The following NCOA1 variants were observed in gnomAD, a reference collection of about 807,000 sequenced individuals.
The protein encoded by NCOA1 is Hin-2 protein.
Under a neutral mutation model 150.9 loss-of-function variants are expected in NCOA1, and 35 were observed. The observed-to-expected ratio is 0.23, with a 90% CI of 0.18 to 0.31. The LOEUF (loss-of-function observed/expected upper bound fraction) is 0.31, where lower values mean the gene tolerates loss of function less well. NCOA1 is among the 10% of genes least tolerant of loss of function. The pLI is 1.00. For missense variants in NCOA1, 1,491 were observed against 1,749.3 expected (o/e 0.85, Z 2.63); for synonymous variants, 590 against 630.0 (o/e 0.94, Z 0.95).
At chr2:24,549,642 C>G (rs1665745752) in intron 1 of NCOA1, among the ~76,000 whole-genome samples, 1 of 152,230 alleles carries the variant, frequency 6.6e-6, no homozygotes, top group Non-Finnish European at 1.5e-5. Flanking sequence ...TCTGGGCTCA[C>G]TGCAAGCTCC....
intron 1 of NCOA1, among the ~76,000 whole-genome samples, chr2:24,517,006 A>G (rs78157397): frequency 0.17 from 4,147 of 24,388 alleles, 117 homozygotes; most frequent in East Asian, 0.43. Flanking sequence ...ACACGCGCGC[A>G]CACACACACA....
intron 6 of NCOA1, among the ~76,000 whole-genome samples, chr2:24,672,747 A>G (rs1319332311): frequency 1.3e-5 from 2 of 152,162 alleles, no homozygotes; most frequent in East Asian, 3.8e-4. Flanking sequence ...GTGCTCAATA[A>G]TACCATATTT....
chr2:24,627,330 C>G (rs1371801253), intron 3 of NCOA1, among the ~76,000 whole-genome samples: 1 of 151,794 alleles, frequency 6.6e-6, no homozygotes, highest in South Asian at 2.1e-4. Flanking sequence ...GGTCACTACT[C>G]TACTTTAAAA....
At chr2:24,719,466 T>C (rs1339483176) in intron 14 of NCOA1, among the ~76,000 whole-genome samples, 1 of 152,188 alleles carries the variant, frequency 6.6e-6, no homozygotes, top group Admixed American at 6.5e-5. Context: ...ATCAATGAAG[T>C]TTAGTTTAGA....
At chr2:24,730,871 CAAAAAAA>C (rs35975198) in intron 17 of NCOA1, among the ~76,000 whole-genome samples, 6 of 61,904 alleles carry the variant, frequency 9.7e-5, no homozygotes, top group Non-Finnish European at 1.7e-4. Context: ...ACTAAAAGTA[CAAAAAAA>C]AAAAAAAAAA....
intron 1 of NCOA1, among the ~76,000 whole-genome samples, chr2:24,520,917 T>TTAGCCAAACTAGCAA (rs1664391198): frequency 6.6e-6 from 1 of 151,856 alleles, no homozygotes; most frequent in Non-Finnish European, 1.5e-5. Flanking sequence ...CCTTGCTCAT[T>TTAGCCAAACTAGCAA]CTTTGCTGTT....
chr2:24,661,004 T>G (rs1169913387), intron 5 of NCOA1, among the ~76,000 whole-genome samples: 1 of 151,664 alleles, frequency 6.6e-6, no homozygotes, highest in Non-Finnish European at 1.5e-5. Context: ...GAGGTTGCAG[T>G]GAGCCAAAAT....
intron 18 of NCOA1, among the ~76,000 whole-genome samples, chr2:24,739,786 G>GA (rs900422257): frequency 5.4e-5 from 8 of 147,196 alleles, no homozygotes; most frequent in African/African-American, 1.7e-4. Flanking sequence ...TGACTAAGTA[G>GA]AAAAAACTCT....
chr2:24,642,034 G>GTGTGTA (rs1572531108), intron 3 of NCOA1, among the ~76,000 whole-genome samples: 1 of 144,302 alleles, frequency 6.9e-6, no homozygotes, highest in East Asian at 2.0e-4. Context: ...GTGTGTGTGT[G>GTGTGTA]TGTGCGCGCG....
At chr2:24,582,301 A>G (rs1221977584) in intron 2 of NCOA1, among the ~76,000 whole-genome samples, 1 of 152,162 alleles carries the variant, frequency 6.6e-6, no homozygotes, top group Non-Finnish European at 1.5e-5. Context: ...AATCAGTAGC[A>G]TTTCTATATA....
At chr2:24,586,490 G>T (rs1229450105) in intron 3 of NCOA1, among the ~76,000 whole-genome samples, 1 of 152,014 alleles carries the variant, frequency 6.6e-6, no homozygotes, top group Admixed American at 6.6e-5. Context: ...AGGCTCAAGG[G>T]ATTCTCCCAG....
intron 1 of NCOA1, among the ~76,000 whole-genome samples, chr2:24,545,254 A>G (rs1209863120): frequency 6.6e-6 from 1 of 151,992 alleles, no homozygotes; most frequent in Admixed American, 6.5e-5. Context: ...AACATTGTAG[A>G]GTGCCAGAAA....
chr2:24,603,496 C>T (rs1668221076), intron 3 of NCOA1, among the ~76,000 whole-genome samples: 2 of 152,190 alleles, frequency 1.3e-5, no homozygotes, highest in South Asian at 4.1e-4. Context: ...CAAACTCAGC[C>T]ACTGCTTTAC....
At chr2:24,696,671 A>G (rs1672911769) in intron 10 of NCOA1, among the ~76,000 whole-genome samples, 1 of 152,198 alleles carries the variant, frequency 6.6e-6, no homozygotes, top group African/African-American at 2.4e-5. Context: ...ACATGCATGT[A>G]CCATGCAACA....
rs531715159 is a variant in NCOA1, at chr2:24,508,771, A to C, written c.-396+17169A>C. Among the ~76,000 whole-genome samples, 11 of 152,290 alleles carry C rather than the reference A, an allele frequency of 7.2e-5. 2 individuals carry two copies. In the South Asian group the frequency reaches 2.3e-3, roughly 32 times the overall value. ...ATTGACAGTTTGATGTAGAAGCTTG[A>C]TTAAGATGTTATTTTTTTGGTGGGG... On this transcript the variant is annotated intron_variant, in intron 1 of 22. Transcript: ENST00000348332.
intron 2 of NCOA1, among the ~76,000 whole-genome samples, chr2:24,573,591 A>G (rs989745308): frequency 6.6e-6 from 1 of 152,138 alleles, no homozygotes; most frequent in Admixed American, 6.6e-5. Flanking sequence ...TGAAGCTTAT[A>G]TCTAAATTTG....
chr2:24,533,101 ATTTG>A (rs1368599050), intron 1 of NCOA1, among the ~76,000 whole-genome samples: 1 of 152,132 alleles, frequency 6.6e-6, no homozygotes, highest in East Asian at 1.9e-4. Context: ...ATGTTCTCCC[ATTTG>A]TTTGTGTCCT....
intron 6 of NCOA1, among the ~76,000 whole-genome samples, chr2:24,673,002 AAG>A (rs764742170): frequency 2.0e-5 from 3 of 152,220 alleles, no homozygotes; most frequent in Non-Finnish European, 2.9e-5. Context: ...CAGAAAAAGA[AAG>A]AGAAAACTTG....
intron 1 of NCOA1, among the ~76,000 whole-genome samples, chr2:24,507,425 G>GA (rs1194245088): frequency 7.1e-6 from 1 of 141,764 alleles, no homozygotes; most frequent in Non-Finnish European, 1.5e-5. Context: ...CAGTGAAGGT[G>GA]AGCTGCTGGG....
Sources: gnomAD v4.1 joint callset for allele counts (sites outside exome capture counted in the v4.1 genomes callset) on GRCh38, gnomAD v4.1.1 for gene constraint, MANE v1.5 for transcripts, NCBI Gene and HGNC (gene_info 2026-07-23, HGNC 2026-07-21) for gene names.